The following P3H2 variants were observed in gnomAD, a reference collection of about 807,000 sequenced individuals.
P3H2 encodes leprecan-like 1.
Under a neutral mutation model 87.0 loss-of-function variants are expected in P3H2, and 80 were observed. The ratio of observed to expected loss-of-function variants is 0.92; its 90% CI spans 0.77 to 1.11. The LOEUF is 1.11. Ranked by LOEUF, P3H2 falls within the 50% of genes least tolerant of loss-of-function variation. The pLI, the probability that P3H2 is intolerant of heterozygous loss-of-function variation, is 0.00. For synonymous variants in P3H2, 367 were observed against 359.3 expected (o/e 1.02, Z -0.24); for missense variants, 1,001 against 923.9 (o/e 1.08, Z -1.08).
chr3:189,959,411 C>CT (rs1418902409), intron 14 of P3H2, among the ~76,000 whole-genome samples: 2 of 117,838 alleles, frequency 1.7e-5, no homozygotes, highest in Non-Finnish European at 3.4e-5. Context: ...CCCCCTCCCC[C>CT]CACCCCACAA....
intron 1 of P3H2, among the ~76,000 whole-genome samples, chr3:190,004,131 C>G (rs933946550): frequency 6.6e-6 from 1 of 152,086 alleles, no homozygotes; most frequent in Non-Finnish European, 1.5e-5. Context: ...TTGGTGAGCA[C>G]AATCTAACTT....
chr3:190,073,482 G>A (rs1726771581), intron 1 of P3H2, among the ~76,000 whole-genome samples: 1 of 152,162 alleles, frequency 6.6e-6, no homozygotes. Flanking sequence ...TTACAGGCAT[G>A]CTTGAGCATA....
At chr3:189,979,391 G>C (rs1378656345) in intron 8 of P3H2, among the ~76,000 whole-genome samples, 2 of 152,084 alleles carry the variant, frequency 1.3e-5, no homozygotes, top group Non-Finnish European at 2.9e-5. Flanking sequence ...TCGTGCCACT[G>C]TACTCCAGCT....
chr3:190,066,464 A>C (rs1004860559), intron 1 of P3H2, among the ~76,000 whole-genome samples: 1 of 151,974 alleles, frequency 6.6e-6, no homozygotes, highest in African/African-American at 2.4e-5. Flanking sequence ...AGGATGACAC[A>C]ATAAACTTCA....
At position 190,120,875 on chromosome 3, in the gene P3H2, C is replaced by T. The variant is rs1432162688; in HGVS notation, c.-144G>A. On this transcript the variant is annotated 5_prime_UTR_variant, in exon 1 of 15. Coordinates refer to ENST00000319332, the MANE Select transcript of P3H2 (RefSeq NM_018192.4). ...CGCTCCGCGAGCCCCAGGTGACCGC[C>T]GGCGCTCCGCGTACTGAGAGGCGGA... 9 of 1,309,002 alleles carry T rather than the reference C, an allele frequency of 6.9e-6. No individual in the cohort carries two copies. Among genetic ancestry groups the T allele is most frequent in the Non-Finnish European group, 9.0e-6 (9 of 1,000,996 alleles). The allele number at this position is 1,309,002 out of a possible 1,614,324, so 81.1% of individuals were successfully genotyped here. A position where few individuals can be genotyped will look rare whatever the true frequency, so the allele number is the denominator to read the frequency against.
chr3:190,114,438 G>T (rs1370992318), intron 1 of P3H2, among the ~76,000 whole-genome samples: 4 of 151,840 alleles, frequency 2.6e-5, no homozygotes, highest in Non-Finnish European at 5.9e-5. Context: ...CGCCCACCTC[G>T]GCCTCCCAAA....
intron 1 of P3H2, among the ~76,000 whole-genome samples, chr3:190,019,785 A>ATATATATATATATATAT (rs1560365170): frequency 2.7e-5 from 1 of 37,388 alleles, no homozygotes; most frequent in African/African-American, 6.6e-5. Flanking sequence ...GAAATTAAAA[A>ATATATATATATATATAT]ATATATATAT....
intron 8 of P3H2, among the ~76,000 whole-genome samples, chr3:189,979,001 C>G (rs1488474951): frequency 6.6e-6 from 1 of 152,144 alleles, no homozygotes; most frequent in Non-Finnish European, 1.5e-5. Flanking sequence ...AGAAAGTACT[C>G]CCTTGTACTC....
At chr3:190,086,050 A>G (rs908528014) in intron 1 of P3H2, among the ~76,000 whole-genome samples, 6 of 152,140 alleles carry the variant, frequency 3.9e-5, no homozygotes, top group South Asian at 2.1e-4. Flanking sequence ...TTCTCCCCCA[A>G]ACCCATTACT....
chr3:189,970,097 T>TTGTGTGTG (rs36166104), intron 13 of P3H2, among the ~76,000 whole-genome samples: 3 of 141,458 alleles, frequency 2.1e-5, no homozygotes, highest in African/African-American at 7.9e-5. Flanking sequence ...GTTTACATAT[T>TTGTGTGTG]TGTGTGTGTG....
intron 1 of P3H2, among the ~76,000 whole-genome samples, chr3:190,086,526 C>G (rs1467751886): frequency 6.6e-6 from 1 of 152,144 alleles, no homozygotes. Context: ...GCAGAAGAAG[C>G]CTCAGAATTG....
chr3:190,048,473 G>T (rs1001199053), intron 1 of P3H2, among the ~76,000 whole-genome samples: 4 of 152,042 alleles, frequency 2.6e-5, no homozygotes, highest in Non-Finnish European at 5.9e-5. Context: ...CTCCAGACTG[G>T]GCAACACAAT....
chr3:190,099,239 C>A (rs76469721), intron 1 of P3H2, among the ~76,000 whole-genome samples: 10,571 of 152,094 alleles, frequency 0.07, 487 homozygotes, highest in African/African-American at 0.13. Context: ...ATGCGTGGAA[C>A]GAAGAATAAA....
intron 1 of P3H2, among the ~76,000 whole-genome samples, chr3:190,032,208 G>A (rs1725276127): frequency 6.6e-6 from 1 of 152,116 alleles, no homozygotes; most frequent in Admixed American, 6.5e-5. Context: ...GTTTATGGTA[G>A]CAGTGCCTGG....
At chr3:190,095,415 C>T (rs1727544049) in intron 1 of P3H2, among the ~76,000 whole-genome samples, 1 of 140,052 alleles carries the variant, frequency 7.1e-6, no homozygotes, top group Admixed American at 7.4e-5. Flanking sequence ...ATACAATGTT[C>T]AACATTTTGC....
intron 14 of P3H2, among the ~76,000 whole-genome samples, chr3:189,959,357 A>C: frequency 2.0e-5 from 3 of 147,870 alleles, no homozygotes; most frequent in East Asian, 2.1e-4. Context: ...TGCACCCACT[A>C]ACTCGTCATC....
chr3:190,081,858 T>C (rs1176834139), intron 1 of P3H2, among the ~76,000 whole-genome samples: 2 of 152,212 alleles, frequency 1.3e-5, no homozygotes, highest in African/African-American at 4.8e-5. Flanking sequence ...TTTGGCAAAA[T>C]TATAATTTAT....
intron 2 of P3H2, among the ~76,000 whole-genome samples, chr3:189,994,684 T>C (rs1377500078): frequency 1.3e-5 from 2 of 151,700 alleles, no homozygotes; most frequent in African/African-American, 4.8e-5. Context: ...TTTAATATTT[T>C]CTAAAATCTT....
intron 1 of P3H2, among the ~76,000 whole-genome samples, chr3:190,010,133 A>G (rs4687117): frequency 0.25 from 38,070 of 152,128 alleles, 4,959 homozygotes; most frequent in East Asian, 0.35. Flanking sequence ...AATACACAAG[A>G]GTATTCTACC....
Sources: gnomAD v4.1 joint callset for allele counts (sites outside exome capture counted in the v4.1 genomes callset) on GRCh38, gnomAD v4.1.1 for gene constraint, MANE v1.5 for transcripts, NCBI Gene and HGNC (gene_info 2026-07-23, HGNC 2026-07-21) for gene names.